Variants in SYTL3 observed in about 807,000 individuals in gnomAD.
SYTL3 encodes the protein synaptotagmin like 3.
A neutral mutation model predicts 82.1 loss-of-function variants in SYTL3; 88 were observed. The ratio of observed to expected loss-of-function variants is 1.07; its 90% CI spans 0.90 to 1.28. The LOEUF is 1.28. Ranked by LOEUF, SYTL3 falls within the 50% of genes most tolerant of loss-of-function variation. The probability of loss-of-function intolerance (pLI) is 0.00; values close to 1 mark genes in which losing one functional copy is unlikely to be tolerated. For missense variants in SYTL3, 831 were observed against 757.6 expected, an observed-to-expected ratio of 1.10 and a Z score of -1.14; for synonymous variants, 311 against 289.4, an observed-to-expected ratio of 1.07 and a Z score of -0.76.
chr6:158,750,666 C>T (rs912556796), intron 12 of SYTL3, among the ~76,000 whole-genome samples: 5 of 152,156 alleles, frequency 3.3e-5, no homozygotes, highest in Non-Finnish European at 7.4e-5. Flanking sequence ...TACAGGTGCA[C>T]ACCACCACAC....
chr6:158,657,295 G>A (rs1269904809), intron 2 of SYTL3, among the ~76,000 whole-genome samples: 1 of 151,694 alleles, frequency 6.6e-6, no homozygotes, highest in Non-Finnish European at 1.5e-5. Flanking sequence ...GTGTGATGGC[G>A]CGTGCCTGTA....
intron 10 of SYTL3, among the ~76,000 whole-genome samples, chr6:158,722,762 G>GTTT (rs34189391): frequency 0.052 from 4,169 of 80,830 alleles, 348 homozygotes; most frequent in African/African-American, 0.074. Flanking sequence ...TCTCTTTTCT[G>GTTT]TTTTTTTTTT....
chr6:158,663,495 C>A (rs531207610), intron 4 of SYTL3, 117 bp downstream of exon 4: 3 of 1,491,398 alleles, frequency 2.0e-6, no homozygotes, highest in South Asian at 1.3e-5. Flanking sequence ...TGCTGGGCTT[C>A]GTGCCTGAGA....
At chr6:158,760,939 C>T (rs1206558929) in intron 15 of SYTL3, among the ~76,000 whole-genome samples, 194 bp downstream of exon 15, 1 of 152,166 alleles carries the variant, frequency 6.6e-6, no homozygotes, top group East Asian at 1.9e-4. Context: ...GTGGGGGAAA[C>T]GGGTGACCAG....
chr6:158,713,702 C>T (rs1357260514), intron 8 of SYTL3, 98 bp from the exon 9 acceptor site: 10 of 845,412 alleles, frequency 1.2e-5, no homozygotes, highest in Non-Finnish European at 2.0e-5. Flanking sequence ...CGCACACACC[C>T]ACATGCCAGT....
chr6:158,742,796 G>A (rs1421701789), intron 11 of SYTL3, among the ~76,000 whole-genome samples: 2 of 152,056 alleles, frequency 1.3e-5, no homozygotes, highest in Non-Finnish European at 2.9e-5. Context: ...AGCCAGGATA[G>A]TCTAGATCTG....
rs111287704 is a variant in SYTL3, at chr6:158,761,515, A to G, written c.1415-561A>G. On this transcript the variant is annotated intron_variant, in intron 15 of 17. Coordinates refer to ENST00000611299, the MANE Select transcript of SYTL3 (RefSeq NM_001242394.2). ...AGTAGAGACAGGGTTTCACCATGTT[A>G]GCCAGGATGGTCTCGATCTCCTGAC... Among the ~76,000 whole-genome samples the G allele has an allele frequency of 1.2e-3, 180 of 152,000 alleles. No individual in the cohort carries two copies. In the East Asian group the frequency reaches 0.013, roughly 11 times the overall value.
chr6:158,656,429 A>G (rs554709113), intron 2 of SYTL3, among the ~76,000 whole-genome samples: 2 of 152,282 alleles, frequency 1.3e-5, no homozygotes, highest in South Asian at 4.1e-4. Flanking sequence ...TGTGAGTGTT[A>G]AAAATGTCAT....
intron 11 of SYTL3, among the ~76,000 whole-genome samples, chr6:158,734,011 C>T (rs986725187): frequency 2.8e-5 from 4 of 142,318 alleles, no homozygotes; most frequent in African/African-American, 1.1e-4. Context: ...GGCAGAATGG[C>T]GTGAACCTGG....
chr6:158,645,702 T>C (rs556576027), upstream of SYTL3, among the ~76,000 whole-genome samples: 2 of 152,300 alleles, frequency 1.3e-5, no homozygotes, highest in South Asian at 4.1e-4. Flanking sequence ...GACTGTAACC[T>C]GGTCGGTCTA....
rs576510927 is a variant in SYTL3, at chr6:158,678,718, G to A, written c.330-4207G>A. On this transcript the variant is annotated intron_variant, in intron 5 of 17. Transcript: ENST00000611299. Reference sequence around the variant, plus strand: ...CATTTGTAATTCTAGTGATCCTCATGCAGTTAATGTGAAGGTCAGTCATGG... The same window carrying A: ...CATTTGTAATTCTAGTGATCCTCATACAGTTAATGTGAAGGTCAGTCATGG... 3.9e-5 allele frequency among the ~76,000 whole-genome samples: 6 copies of A among 152,302 alleles called. No homozygotes were observed. The East Asian group carries it at 5.8e-4, about 15-fold the overall frequency.
chr6:158,764,109 ACT>A (rs1344364633), intron 17 of SYTL3, among the ~76,000 whole-genome samples: 2 of 152,242 alleles, frequency 1.3e-5, no homozygotes, highest in Non-Finnish European at 2.9e-5. Context: ...TCCAAAGCAT[ACT>A]GTCTTCCTCT....
At chr6:158,670,772 T>C (rs901960744) in intron 5 of SYTL3, among the ~76,000 whole-genome samples, 3 of 150,440 alleles carry the variant, frequency 2.0e-5, no homozygotes, top group Non-Finnish European at 4.4e-5. Context: ...ACAGACTCAA[T>C]CTCAAAAAAA....
intron 5 of SYTL3, among the ~76,000 whole-genome samples, chr6:158,670,698 G>A (rs938997668): frequency 1.3e-5 from 2 of 151,954 alleles, no homozygotes; most frequent in Non-Finnish European, 2.9e-5. Context: ...TACAAGAATC[G>A]CTGGAACCGG....
chr6:158,727,148 C>T (rs1465134298), intron 11 of SYTL3, among the ~76,000 whole-genome samples: 1 of 151,900 alleles, frequency 6.6e-6, no homozygotes, highest in Non-Finnish European at 1.5e-5. Flanking sequence ...CCATGCCCAG[C>T]TGAACTTTCT....
At chr6:158,690,605 A>G (rs1190319272) in intron 6 of SYTL3, among the ~76,000 whole-genome samples, 1 of 152,206 alleles carries the variant, frequency 6.6e-6, no homozygotes, top group African/African-American at 2.4e-5. Flanking sequence ...TTTTTCAACT[A>G]TTAAAACAAT....
chr6:158,737,951 G>GC (rs1786435307), intron 11 of SYTL3, among the ~76,000 whole-genome samples: 1 of 152,172 alleles, frequency 6.6e-6, no homozygotes, highest in African/African-American at 2.4e-5. Context: ...GCAATTTGGG[G>GC]CATGACTCAA....
intron 5 of SYTL3, among the ~76,000 whole-genome samples, chr6:158,674,369 A>C (rs1777792224): frequency 6.6e-6 from 1 of 151,960 alleles, no homozygotes; most frequent in South Asian, 2.1e-4. Flanking sequence ...TCTTTTTCTC[A>C]GAGGTGGGTC....
Position 158,743,488 on chromosome 6 carries a change from A to G in SYTL3, c.856-1992A>G, listed in dbSNP as rs571716141. Among the ~76,000 whole-genome samples the G allele has an allele frequency of 4.2e-4, 63 of 150,486 alleles. 2 individuals carry two copies. In the South Asian group the frequency reaches 0.013, roughly 31 times the overall value. On this transcript the variant is annotated intron_variant, in intron 11 of 17. Coordinates refer to ENST00000611299, the MANE Select transcript of SYTL3 (RefSeq NM_001242394.2). ...GATTCATTAGCTTCTCCGTTCATCT[A>G]CCTGGTTCTTCTCTCAGGCTGCTCA...
Sources: allele counts gnomAD v4.1 joint callset (sites outside exome capture counted in the v4.1 genomes callset), GRCh38; gene constraint gnomAD v4.1.1; transcripts MANE v1.5; gene names NCBI Gene and HGNC (gene_info 2026-07-23, HGNC 2026-07-21).